Variants in MAST4 observed in about 807,000 individuals in gnomAD.
MAST4 encodes microtubule-associated serine/threonine-protein kinase 4.
Under a neutral mutation model 162.7 loss-of-function variants are expected in MAST4, and 89 were observed. That is an observed-to-expected ratio of 0.55 (90% CI 0.46 to 0.65). The LOEUF is 0.65. Ranked by LOEUF, MAST4 falls within the 30% of genes least tolerant of loss-of-function variation. The pLI is 0.00. For missense variants in MAST4, 3,153 were observed against 3,374.0 expected (o/e 0.93, Z 1.62); for synonymous variants, 1,479 against 1,361.1 (o/e 1.09, Z -1.91).
At chr5:67,090,013 CAT>C in intron 5 of MAST4, 147 bp from the exon 6 acceptor site, 1 of 615,850 alleles carries the variant, frequency 1.6e-6, no homozygotes, top group Non-Finnish European at 2.9e-6. Context: ...CCCACCCCAC[CAT>C]CCCTGGTCCA....
chr5:66,640,401 G>A (rs1272924854), intron 1 of MAST4, among the ~76,000 whole-genome samples: 1 of 150,714 alleles, frequency 6.6e-6, no homozygotes, highest in African/African-American at 2.4e-5. Flanking sequence ...TCTGCCTCCC[G>A]GGTTCATGCC....
chr5:66,632,035 A>G (rs1469762502), intron 1 of MAST4, among the ~76,000 whole-genome samples: 2 of 152,156 alleles, frequency 1.3e-5, no homozygotes, highest in African/African-American at 4.8e-5. Flanking sequence ...AGTTTTTATT[A>G]CAGTGATATG....
chr5:66,705,126 T>C (rs772859760), intron 1 of MAST4, among the ~76,000 whole-genome samples: 12 of 152,228 alleles, frequency 7.9e-5, no homozygotes, highest in Non-Finnish European at 1.5e-4. Context: ...AAGCCATCTC[T>C]AGAGAGTGGA....
At chr5:66,907,807 CAAAGT>C (rs997660377) in intron 4 of MAST4, among the ~76,000 whole-genome samples, 1 of 151,934 alleles carries the variant, frequency 6.6e-6, no homozygotes, top group Non-Finnish European at 1.5e-5. Flanking sequence ...AGATTTTCAG[CAAAGT>C]AAAGGCAATG....
chr5:66,701,494 G>A (rs1216915288), intron 1 of MAST4, among the ~76,000 whole-genome samples: 1 of 152,158 alleles, frequency 6.6e-6, no homozygotes, highest in Non-Finnish European at 1.5e-5. Context: ...GTGTTTAGCT[G>A]TCTAGTTTTT....
intron 3 of MAST4, among the ~76,000 whole-genome samples, chr5:66,799,090 C>G (rs1238219164): frequency 6.6e-6 from 1 of 152,128 alleles, no homozygotes; most frequent in African/African-American, 2.4e-5. Context: ...GTTGAGGTTT[C>G]TCATCTTTAT....
chr5:66,857,492 A>G (rs1759777916), intron 3 of MAST4, among the ~76,000 whole-genome samples: 1 of 152,216 alleles, frequency 6.6e-6, no homozygotes, highest in Admixed American at 6.5e-5. Context: ...TAAACTTGTC[A>G]GAGTTCTGAA....
At chr5:66,619,150 T>G (rs150845930) in intron 1 of MAST4, among the ~76,000 whole-genome samples, 2 of 152,262 alleles carry the variant, frequency 1.3e-5, no homozygotes, top group East Asian at 3.9e-4. Flanking sequence ...GAATGGCCAT[T>G]GTGAGAGAGT....
intron 5 of MAST4, among the ~76,000 whole-genome samples, chr5:67,087,356 C>A (rs1248577729): frequency 6.6e-6 from 1 of 152,180 alleles, no homozygotes; most frequent in African/African-American, 2.4e-5. Flanking sequence ...CTCTGCTACT[C>A]CCCTGGCCAC....
chr5:67,158,054 G>A (rs534950708), intron 26 of MAST4, among the ~76,000 whole-genome samples: 141 of 152,268 alleles, frequency 9.3e-4, no homozygotes, highest in Non-Finnish European at 1.4e-3. Flanking sequence ...AGGACTGAAG[G>A]AACATCAGTG....
rs150987973 is a variant in MAST4 at position 66,759,480 on chromosome 5, C to CA, written c.364-228dup. On this transcript the variant is annotated intron_variant, in intron 1 of 28. Transcript: ENST00000403625. ...TGACCCACTAATGTGCTGTGACCCA[C>CA]AGTTTGAAAATCACTGCTGTCGAGA... 9.9e-3 allele frequency among the ~76,000 whole-genome samples: 1,510 copies of CA among 152,328 alleles called. 32 individuals carry two copies. Among genetic ancestry groups the CA allele is most frequent in the African/African-American group, 0.034 (1,402 of 41,552 alleles).
At chr5:66,809,072 G>T (rs1756347379) in intron 3 of MAST4, among the ~76,000 whole-genome samples, 1 of 152,182 alleles carries the variant, frequency 6.6e-6, no homozygotes, top group Admixed American at 6.5e-5. Flanking sequence ...ATTACACTGT[G>T]GCTGCCTGTC....
At chr5:66,706,926 G>A (rs4700159) in intron 1 of MAST4, among the ~76,000 whole-genome samples, 101,879 of 152,170 alleles carry the variant, frequency 0.67, 34,791 homozygotes, top group East Asian at 0.86. Flanking sequence ...GTCAAGATGT[G>A]TGTCAGATTT....
intron 2 of MAST4, among the ~76,000 whole-genome samples, chr5:66,772,899 T>C (rs544829600): frequency 6.6e-6 from 1 of 152,144 alleles, no homozygotes; most frequent in South Asian, 2.1e-4. Context: ...TTGTAGAAAA[T>C]GGGTTTTCTT....
chr5:66,837,884 ATATATATATATTTT>A (rs1438484770), intron 3 of MAST4, among the ~76,000 whole-genome samples: 3 of 77,492 alleles, frequency 3.9e-5, no homozygotes, highest in African/African-American at 5.8e-5. Flanking sequence ...ATATATATAT[ATATATATATATTTT>A]TTTTTTTTTT....
At chr5:66,752,109 C>T (rs1479556421) in intron 1 of MAST4, among the ~76,000 whole-genome samples, 1 of 152,152 alleles carries the variant, frequency 6.6e-6, no homozygotes, top group East Asian at 1.9e-4. Context: ...AATTTTGTCA[C>T]CACTAGGCCT....
chr5:66,637,060 C>T (rs1015903379), intron 1 of MAST4, among the ~76,000 whole-genome samples: 2 of 152,192 alleles, frequency 1.3e-5, no homozygotes, highest in African/African-American at 4.8e-5. Context: ...TACATGCATA[C>T]ACTTTTTATA....
At chr5:67,102,306 G>A (rs990260546) in intron 8 of MAST4, among the ~76,000 whole-genome samples, 1 of 152,018 alleles carries the variant, frequency 6.6e-6, no homozygotes, top group Admixed American at 6.6e-5. Context: ...TGATTTTGTG[G>A]CATTCCACTT....
chr5:66,610,218 C>G (rs762829609), intron 1 of MAST4, among the ~76,000 whole-genome samples: 16 of 152,152 alleles, frequency 1.1e-4, no homozygotes, highest in Non-Finnish European at 2.2e-4. Flanking sequence ...CACATTTTCT[C>G]TCTGTGCATG....
Sources: allele counts gnomAD v4.1 joint callset (sites outside exome capture counted in the v4.1 genomes callset), GRCh38; gene constraint gnomAD v4.1.1; transcripts MANE v1.5; gene names NCBI Gene and HGNC (gene_info 2026-07-23, HGNC 2026-07-21).